MGST1: variants seen among roughly 807,000 people sequenced by gnomAD.
MGST1 encodes the protein glutathione S-transferase 12.
A neutral mutation model predicts 8.9 loss-of-function variants in MGST1; 5 were observed. The ratio of observed to expected loss-of-function variants is 0.56; its 90% CI spans 0.29 to 1.19. MGST1 has a LOEUF of 1.19. MGST1 is among the 50% of genes most tolerant of loss of function. The pLI is 0.08. For missense variants in MGST1, 182 were observed against 187.4 expected (o/e 0.97, Z 0.17); for synonymous variants, 54 against 67.8 (o/e 0.80, Z 1.00).
At chr12:16,505,812 C>T (rs114170646) in intron 4 of MGST1, among the ~76,000 whole-genome samples, 1 of 152,160 alleles carries the variant, frequency 6.6e-6, no homozygotes, top group East Asian at 1.9e-4. Context: ...AGCAGGGTCA[C>T]AAACTCAAAT....
intron 4 of MGST1, among the ~76,000 whole-genome samples, chr12:16,504,232 A>G (rs1941523064): frequency 6.6e-6 from 1 of 152,236 alleles, no homozygotes; most frequent in South Asian, 2.1e-4. Context: ...TGATATTCAA[A>G]GAAACATAGT....
chr12:16,569,984 C>T (rs894189739), intron 4 of MGST1, among the ~76,000 whole-genome samples: 25 of 152,072 alleles, frequency 1.6e-4, no homozygotes, highest in South Asian at 6.2e-4. Flanking sequence ...CACAATTATA[C>T]GAGCATAAAA....
In MGST1 at chr12:16,362,734, G is replaced by A. The variant is rs983708922; in HGVS notation, c.222-1061G>A. On this transcript the variant is annotated intron_variant, in intron 3 of 3. Transcript: ENST00000396210. This position sits in a 1 kb window ranked among gnomAD's most constrained non-coding sequence, Gnocchi z 4.4. ...AGGCTGAGGCTGGAGGACTGCTTGA[G>A]ACCAGGTGTTCAAGACCAGCCTGGG... is the stretch of plus-strand genomic sequence containing the variant. 6.6e-6 allele frequency: 1 copy of A among 152,090 alleles called. No homozygotes were observed. Among genetic ancestry groups the A allele is most frequent in the Non-Finnish European group, 1.5e-5 (1 of 68,072 alleles). The allele number at this position is 152,090 out of a possible 1,614,324, so 9.4% of individuals were successfully genotyped here.
downstream of MGST1, among the ~76,000 whole-genome samples, chr12:16,443,123 T>G (rs758721478): frequency 1.3e-5 from 2 of 151,836 alleles, no homozygotes; most frequent in Non-Finnish European, 2.9e-5. Flanking sequence ...CTCTTTCTTG[T>G]GCTACTTCTT....
intron 1 of MGST1, among the ~76,000 whole-genome samples, chr12:16,398,486 T>C (rs1161176850): frequency 6.6e-6 from 1 of 152,234 alleles, no homozygotes; most frequent in Non-Finnish European, 1.5e-5. Context: ...ACATGTTGAC[T>C]TCTTTGAGCC....
intron 4 of MGST1, among the ~76,000 whole-genome samples, chr12:16,521,531 C>T (rs77939351): frequency 6.6e-6 from 1 of 152,056 alleles, no homozygotes; most frequent in Non-Finnish European, 1.5e-5. Flanking sequence ...TAATTCAATA[C>T]ATTTTACCCT....
intron 2 of MGST1, among the ~76,000 whole-genome samples, chr12:16,356,556 G>C (rs1939724115): frequency 6.6e-6 from 1 of 152,094 alleles, no homozygotes; most frequent in South Asian, 2.1e-4. Context: ...AAACAAATGA[G>C]ATTAATTTTG....
At chr12:16,572,429 TA>T (rs565584358) in intron 4 of MGST1, among the ~76,000 whole-genome samples, 5,056 of 142,016 alleles carry the variant, frequency 0.036, 132 homozygotes, top group African/African-American at 0.076. Flanking sequence ...TCTTCTTTAT[TA>T]AAAAAAAAAC....
chr12:16,578,161 T>C (rs1211770170), intron 4 of MGST1, among the ~76,000 whole-genome samples: 1 of 152,218 alleles, frequency 6.6e-6, no homozygotes, highest in Non-Finnish European at 1.5e-5. Flanking sequence ...AAACTCATAG[T>C]TTCATGAAAC....
At position 16,364,062 on chromosome 12, in the gene MGST1, A is replaced by T; in HGVS notation, c.*21A>T. 2 of 1,569,614 alleles carry T rather than the reference A, an allele frequency of 1.3e-6. No homozygotes were observed. Among genetic ancestry groups the T allele is most frequent in the Non-Finnish European group, 1.7e-6 (2 of 1,156,136 alleles). ...TGTAAAGAAAATCATACAACTCAGC[A>T]TCCAGTTGGCTTTTTAAGAATTCTG... On this transcript the variant is annotated 3_prime_UTR_variant, in exon 4 of 4. Coordinates refer to ENST00000396210, the MANE Select transcript of MGST1 (RefSeq NM_020300.5). This position sits in a 1 kb window ranked among gnomAD's most constrained non-coding sequence, Gnocchi z 5.7.
intron 1 of MGST1, chr12:16,399,640 C>T (rs1940635601): frequency 1.2e-6 from 2 of 1,604,042 alleles, no homozygotes; most frequent in Non-Finnish European, 1.7e-6. Context: ...GCATCACTCC[C>T]CTCATCGTCA....
rs1942314120 is a variant in MGST1, at chr12:16,559,567, G to A, written n.483-29961G>A. 6.6e-6 allele frequency among the ~76,000 whole-genome samples: 1 copy of A among 152,030 alleles called. No homozygotes were observed. Among genetic ancestry groups the A allele is most frequent in the Non-Finnish European group, 1.5e-5 (1 of 68,018 alleles). ...ATGCTCCTCTCCAATGATAATAATT[G>A]TTTAATTATTAGCTATATCTGGACT... is the stretch of plus-strand genomic sequence containing the variant. On this transcript the variant is annotated intron_variant and non_coding_transcript_variant, in intron 4 of 4. Coordinates refer to the MGST1 transcript ENST00000538857. The surrounding 1 kb of genome is among the most constrained non-coding windows in gnomAD (Gnocchi z 4.1).
chr12:16,541,708 G>A (rs528939242), intron 4 of MGST1, among the ~76,000 whole-genome samples: 322 of 152,172 alleles, frequency 2.1e-3, no homozygotes, highest in Non-Finnish European at 3.4e-3. Context: ...TCATGTGATA[G>A]GAGAGAGCCA....
chr12:16,398,655 TTG>T (rs1384209868), intron 1 of MGST1, among the ~76,000 whole-genome samples: 1 of 152,248 alleles, frequency 6.6e-6, no homozygotes, highest in African/African-American at 2.4e-5. Flanking sequence ...TCATTGCTTT[TTG>T]TGTCTTCTAA....
At chr12:16,492,259 G>A (rs1941444229) in intron 4 of MGST1, among the ~76,000 whole-genome samples, 2 of 152,116 alleles carry the variant, frequency 1.3e-5, no homozygotes, top group Admixed American at 6.5e-5. Flanking sequence ...TAGTCATTCT[G>A]TGAATGGCTG....
intron 3 of MGST1, 90 bp downstream of exon 3, chr12:16,357,789 G>A: frequency 2.0e-6 from 2 of 1,002,334 alleles, no homozygotes; most frequent in East Asian, 2.7e-5. Flanking sequence ...TGGAGACTGA[G>A]GAAAAAAAGT....
intron 1 of MGST1, among the ~76,000 whole-genome samples, chr12:16,385,379 A>T (rs1169275003): frequency 3.9e-5 from 6 of 152,022 alleles, no homozygotes; most frequent in African/African-American, 1.2e-4. Flanking sequence ...TGAAGGAAGA[A>T]CTCTGAGGTT....
intron 4 of MGST1, among the ~76,000 whole-genome samples, chr12:16,455,336 G>T (rs1190962272): frequency 6.6e-6 from 1 of 151,840 alleles, no homozygotes; most frequent in Non-Finnish European, 1.5e-5. Flanking sequence ...AAGAAAATGA[G>T]GTTTAGAAGC....
chr12:16,575,709 C>T (rs1251444324), intron 4 of MGST1, among the ~76,000 whole-genome samples: 1 of 152,122 alleles, frequency 6.6e-6, no homozygotes, highest in African/African-American at 2.4e-5. Context: ...GATTTCCCCT[C>T]TTGTGTCAAG....
Sources: gnomAD v4.1 joint callset for allele counts (sites outside exome capture counted in the v4.1 genomes callset) on GRCh38, gnomAD v4.1.1 for gene constraint, Gnocchi (gnomAD v3.1) non-coding constraint, MANE v1.5 for transcripts, NCBI Gene and HGNC (gene_info 2026-07-23, HGNC 2026-07-21) for gene names.